BMPR1B: variants seen among roughly 807,000 people sequenced by gnomAD.
The protein encoded by BMPR1B is bone morphogenetic protein receptor type 1B.
Under a neutral mutation model 59.1 loss-of-function variants are expected in BMPR1B, and 12 were observed. The ratio of observed to expected loss-of-function variants is 0.20; its 90% confidence interval spans 0.13 to 0.33. The LOEUF is 0.33. Among genes scored for constraint, BMPR1B ranks in the 10% least tolerant of loss-of-function variants. The pLI, the probability that BMPR1B is intolerant of heterozygous loss-of-function variation, is 1.00. For synonymous variants in BMPR1B, 237 were observed against 207.3 expected, an observed-to-expected ratio of 1.14 and a Z score of -1.23; for missense variants, 550 against 610.9, an observed-to-expected ratio of 0.90 and a Z score of 1.05.
At chr4:95,015,273 A>G (rs574945894) in intron 3 of BMPR1B, among the ~76,000 whole-genome samples, 2 of 152,344 alleles carry the variant, frequency 1.3e-5, no homozygotes, top group African/African-American at 2.4e-5. Context: ...AAAATTTTCA[A>G]TCGTGTGAAA....
chr4:95,021,471 A>G (rs1393745555), intron 3 of BMPR1B, among the ~76,000 whole-genome samples: 1 of 152,234 alleles, frequency 6.6e-6, no homozygotes, highest in African/African-American at 2.4e-5. Flanking sequence ...TATGAAATCA[A>G]TAGCATTATA....
chr4:94,792,700 A>G (rs1359512357), intron 1 of BMPR1B, among the ~76,000 whole-genome samples: 3 of 152,162 alleles, frequency 2.0e-5, no homozygotes, highest in African/African-American at 7.2e-5. Context: ...TAGAGAGATG[A>G]CTTTTTAAAT....
In BMPR1B at chr4:95,049,535, G is replaced by A. The variant is rs1466043911; in HGVS notation, c.-18+53401G>A. The stretch of plus-strand genomic sequence containing the variant: ...GTCCTGCACAATTTGGTTCCACTCT[G>A]TCTAGCTTTCTTTCCAACCACTTAC... On this transcript the variant is annotated intron_variant, in intron 3 of 12. Coordinates refer to ENST00000515059, the MANE Select transcript of BMPR1B (RefSeq NM_001203.3). Among the ~76,000 whole-genome samples, 3 of 131,796 alleles carry A rather than the reference G, an allele frequency of 2.3e-5. No homozygotes were observed. In the South Asian group the frequency reaches 7.2e-4, roughly 32 times the overall value. The allele number at this position is 131,796 out of a possible 152,430, so 86.5% of individuals were successfully genotyped here.
chr4:94,865,579 G>C lies in BMPR1B; in HGVS notation c.-182-10252G>C, dbSNP rs182682850. 5.0e-3 allele frequency among the ~76,000 whole-genome samples: 760 copies of C among 151,974 alleles called. 8 individuals carry two copies. Among genetic ancestry groups the C allele is most frequent in the African/African-American group, 0.017 (689 of 41,468 alleles). On this transcript the variant is annotated intron_variant, in intron 1 of 12. Coordinates refer to ENST00000515059, the MANE Select transcript of BMPR1B (RefSeq NM_001203.3). ...CTAATTTTTTTTAATTTTTAGTAGA[G>C]ATGGGGTTTCACTATATTGGCCAGG...
rs192489705 is a variant in BMPR1B, at chr4:94,935,532, A to G, written c.-113+59632A>G. On this transcript the variant is annotated intron_variant, in intron 2 of 12. Coordinates refer to ENST00000515059, the MANE Select transcript of BMPR1B (RefSeq NM_001203.3). ...TTAAAGTAAACACACAGAGTAATGA[A>G]AGAAAATCAAGACAAGGCTGATGGT... Among the ~76,000 whole-genome samples, 435 of 152,300 alleles carry G rather than the reference A, an allele frequency of 2.9e-3. 1 individual carries two copies. Among genetic ancestry groups the G allele is most frequent in the African/African-American group, 8.8e-3 (366 of 41,572 alleles).
At chr4:94,962,438 A>G (rs765635609) in intron 2 of BMPR1B, among the ~76,000 whole-genome samples, 1 of 152,064 alleles carries the variant, frequency 6.6e-6, no homozygotes, top group Non-Finnish European at 1.5e-5. Context: ...TCTTTCTAGC[A>G]GTATGTTTGT....
chr4:95,132,848 G>A (rs1733467756), intron 10 of BMPR1B, among the ~76,000 whole-genome samples: 1 of 152,052 alleles, frequency 6.6e-6, no homozygotes, highest in South Asian at 2.1e-4. Context: ...ACACCACTGG[G>A]CTTGGTCACC....
At chr4:95,060,459 C>G (rs1338969193) in intron 3 of BMPR1B, among the ~76,000 whole-genome samples, 1 of 152,182 alleles carries the variant, frequency 6.6e-6, no homozygotes, top group Non-Finnish European at 1.5e-5. Flanking sequence ...TAGCACTACA[C>G]AAATATTGTC....
intron 1 of BMPR1B, among the ~76,000 whole-genome samples, chr4:94,774,483 T>A (rs1722297093): frequency 1.3e-5 from 2 of 152,040 alleles, no homozygotes; most frequent in South Asian, 2.1e-4. Context: ...ATCCCCTTTA[T>A]GTGGACTCTT....
At chr4:95,070,832 C>A (rs1728225950) in intron 3 of BMPR1B, among the ~76,000 whole-genome samples, 1 of 151,992 alleles carries the variant, frequency 6.6e-6, no homozygotes, top group South Asian at 2.1e-4. Flanking sequence ...AAGATAAAGG[C>A]ATTTATCTTA....
At chr4:95,147,977 A>C (rs951542008) in intron 10 of BMPR1B, among the ~76,000 whole-genome samples, 3 of 152,186 alleles carry the variant, frequency 2.0e-5, no homozygotes, top group Non-Finnish European at 4.4e-5. Context: ...AGGAATAGTA[A>C]ATGGGCCTGT....
intron 2 of BMPR1B, among the ~76,000 whole-genome samples, chr4:94,985,886 A>G (rs1460368609): frequency 6.6e-6 from 1 of 152,216 alleles, no homozygotes; most frequent in Admixed American, 6.5e-5. Flanking sequence ...AAAGTGCCAC[A>G]TAAATGTGAG....
intron 1 of BMPR1B, among the ~76,000 whole-genome samples, chr4:94,789,319 T>C (rs1722880176): frequency 1.3e-5 from 2 of 152,160 alleles, no homozygotes; most frequent in South Asian, 4.1e-4. Context: ...TTTGTCAACT[T>C]CTAGTATAGT....
At chr4:94,835,589 G>T (rs1050661016) in intron 1 of BMPR1B, among the ~76,000 whole-genome samples, 51 of 152,258 alleles carry the variant, frequency 3.3e-4, no homozygotes, top group Admixed American at 5.2e-4. Context: ...ACAACCAAAT[G>T]TGGTGTGAAA....
intron 3 of BMPR1B, among the ~76,000 whole-genome samples, chr4:95,034,439 C>A (rs1375792346): frequency 6.6e-6 from 1 of 151,958 alleles, no homozygotes; most frequent in African/African-American, 2.4e-5. Flanking sequence ...CCTTCCCACC[C>A]ATCCCACAGA....
chr4:94,998,931 TCTC>T lies in BMPR1B; in HGVS notation c.-18+2800_-18+2802del, dbSNP rs1244500313. ...TTTTATTTGCTGGCAGTATTCAACA[TCTC>T]CTATTTCTCAAAACAATCCACATTG... On this transcript the variant is annotated intron_variant, in intron 3 of 12. Transcript: ENST00000515059. 2.0e-5 allele frequency among the ~76,000 whole-genome samples: 3 copies of T among 152,186 alleles called. No homozygotes were observed. The East Asian group carries it at 5.8e-4, about 29-fold the overall frequency.
chr4:94,796,230 G>C (rs999668307), intron 1 of BMPR1B, among the ~76,000 whole-genome samples: 3 of 152,196 alleles, frequency 2.0e-5, no homozygotes, highest in African/African-American at 7.2e-5. Context: ...CTCCCAAAAT[G>C]CTGGGATTAC....
At chr4:94,987,927 G>T (rs1721516575) in intron 2 of BMPR1B, among the ~76,000 whole-genome samples, 1 of 152,092 alleles carries the variant, frequency 6.6e-6, no homozygotes, top group South Asian at 2.1e-4. Context: ...GTCAGATAAT[G>T]ATTTATCATC....
chr4:95,010,388 A>G (rs950610697), intron 3 of BMPR1B, among the ~76,000 whole-genome samples: 1 of 152,146 alleles, frequency 6.6e-6, no homozygotes, highest in Admixed American at 6.6e-5. Flanking sequence ...GGTTTAGTGA[A>G]ACTTCCATCC....
Sources: allele counts gnomAD v4.1 joint callset (sites outside exome capture counted in the v4.1 genomes callset), GRCh38; gene constraint gnomAD v4.1.1; transcripts MANE v1.5; gene names NCBI Gene and HGNC (gene_info 2026-07-23, HGNC 2026-07-21).